FRY: variants seen among roughly 807,000 people sequenced by gnomAD.
The protein encoded by FRY is FRY microtubule binding protein, also known as protein furry homolog.
A neutral mutation model predicts 348.4 loss-of-function variants in FRY; 128 were observed. The ratio of observed to expected loss-of-function variants is 0.37; its 90% CI spans 0.32 to 0.43. The LOEUF is 0.43. FRY is among the 20% of genes least tolerant of loss of function. The pLI is 1.00. For missense variants in FRY, 2,736 were observed against 3,695.2 expected, an observed-to-expected ratio of 0.74 and a Z score of 6.73; for synonymous variants, 1,370 against 1,374.7, an observed-to-expected ratio of 1.00 and a Z score of 0.08.
intron 8 of FRY, among the ~76,000 whole-genome samples, chr13:32,133,943 T>G (rs1879539738): frequency 6.6e-6 from 1 of 151,826 alleles, no homozygotes; most frequent in Admixed American, 6.6e-5. Flanking sequence ...CATGCCCAAC[T>G]AATTTTTGTA....
At chr13:32,191,371 G>T (rs1057349972) in intron 28 of FRY, among the ~76,000 whole-genome samples, 2 of 152,146 alleles carry the variant, frequency 1.3e-5, no homozygotes, top group Admixed American at 6.5e-5. Context: ...AGTGAGAGAT[G>T]TCTATAACAC....
chr13:32,260,970 C>T (rs187756916), intron 51 of FRY, among the ~76,000 whole-genome samples: 6 of 152,326 alleles, frequency 3.9e-5, no homozygotes, highest in Admixed American at 3.9e-4. Flanking sequence ...ATTTTCTACA[C>T]CGGGACAATT....
intron 7 of FRY, 78 bp from the exon 8 acceptor site, chr13:32,131,594 A>C: frequency 1.1e-6 from 1 of 934,346 alleles, no homozygotes; most frequent in Non-Finnish European, 1.8e-6. Flanking sequence ...CTGCTCAATC[A>C]CTCCCAGATG....
chr13:32,245,651 C>A (rs1886755448), intron 47 of FRY, among the ~76,000 whole-genome samples: 1 of 151,878 alleles, frequency 6.6e-6, no homozygotes, highest in Non-Finnish European at 1.5e-5. Context: ...TCAAACACAC[C>A]AGGACGAGTT....
At position 32,224,327 on chromosome 13, in the gene FRY, T is replaced by C; in HGVS notation, c.4858T>C (p.Trp1620Arg). The change falls in exon 37 of 61, where the codon TGG (tryptophan) becomes CGG (arginine). Residue 1620 changes from tryptophan (W) to arginine (R), a missense_variant. Trp to Arg is a moderately radical substitution (Grantham distance 101, BLOSUM62 -3). Around this residue, in one of 9 missense-constraint regions of FRY, gnomAD observed 794 missense variants for 977.0 expected, o/e 0.81. Transcript: ENST00000542859. ...ACCGATGCCTTGTACTGGAGGATGC[T>C]GGGCCCCCCTGGTTGACTATCTCCC... ...PLPMPCTGGC[W>R]APLVDYLPET... The C allele has an allele frequency of 1.2e-6, 2 of 1,614,050 alleles. No individual in the cohort carries two copies. Among genetic ancestry groups the C allele is most frequent in the Non-Finnish European group, 1.7e-6 (2 of 1,179,960 alleles).
intron 36 of FRY, among the ~76,000 whole-genome samples, chr13:32,219,457 A>G (rs1418784915): frequency 2.0e-5 from 3 of 146,752 alleles, no homozygotes; most frequent in Non-Finnish European, 4.5e-5. Context: ...TCATAGTCCC[A>G]TTAGAAAACA....
intron 7 of FRY, among the ~76,000 whole-genome samples, chr13:32,130,203 G>T (rs924427109): frequency 6.6e-6 from 1 of 151,880 alleles, no homozygotes; most frequent in Non-Finnish European, 1.5e-5. Context: ...ACCACGCCCG[G>T]CTAATTTTTG....
chr13:32,116,423 C>A (rs963981623), intron 3 of FRY, among the ~76,000 whole-genome samples: 1 of 152,100 alleles, frequency 6.6e-6, no homozygotes, highest in Non-Finnish European at 1.5e-5. Context: ...TGGTTTGTCC[C>A]TTATCACGAT....
intron 1 of FRY, among the ~76,000 whole-genome samples, chr13:32,074,887 A>G (rs1412598711): frequency 6.6e-6 from 1 of 152,148 alleles, no homozygotes; most frequent in African/African-American, 2.4e-5. Flanking sequence ...ACTGGCAGGC[A>G]GGGCCCAGAC....
intron 58 of FRY, among the ~76,000 whole-genome samples, chr13:32,288,947 A>AT (rs1276455517): frequency 6.6e-6 from 1 of 152,234 alleles, no homozygotes; most frequent in African/African-American, 2.4e-5. Context: ...TAATGAACAA[A>AT]TTATAGGGTA....
chr13:32,228,696 C>CT (rs772237223), intron 40 of FRY, 42 bp downstream of exon 40: 11 of 1,567,352 alleles, frequency 7.0e-6, no homozygotes, highest in African/African-American at 1.3e-5. Context: ...GCAGGTTGGT[C>CT]TTTCGGAAAA....
At chr13:32,116,679 G>C (rs1010544396) in intron 3 of FRY, among the ~76,000 whole-genome samples, 3 of 151,980 alleles carry the variant, frequency 2.0e-5, no homozygotes, top group Non-Finnish European at 2.9e-5. Context: ...TTTTTTTATA[G>C]TAATCAGTTA....
chr13:32,271,161 G>A (rs1194258918), intron 55 of FRY, among the ~76,000 whole-genome samples: 2 of 152,198 alleles, frequency 1.3e-5, no homozygotes, highest in Non-Finnish European at 2.9e-5. Flanking sequence ...AGAGAAAAGA[G>A]TTGTATGGGA....
intron 55 of FRY, 60 bp from the exon 56 acceptor site, chr13:32,274,782 T>G: frequency 7.8e-7 from 1 of 1,282,506 alleles, no homozygotes; most frequent in Non-Finnish European, 1.1e-6. Flanking sequence ...CCCCAAAATA[T>G]GTTTTATCAT....
intron 35 of FRY, among the ~76,000 whole-genome samples, chr13:32,216,184 A>T (rs2138378907): frequency 6.6e-6 from 1 of 152,246 alleles, no homozygotes; most frequent in Non-Finnish European, 1.5e-5. Flanking sequence ...TGTACCTTTG[A>T]TGTTAAAAGA....
chr13:32,105,173 G>A (rs1047429239), intron 3 of FRY, among the ~76,000 whole-genome samples: 1 of 152,202 alleles, frequency 6.6e-6, no homozygotes, highest in Non-Finnish European at 1.5e-5. Context: ...GTATCAAGAG[G>A]TAGGGCCTTT....
intron 51 of FRY, chr13:32,258,056 C>T: frequency 1.9e-6 from 2 of 1,052,958 alleles, no homozygotes; most frequent in Admixed American, 1.7e-5. Flanking sequence ...TTGCTTTTTT[C>T]CTCCCTTCCA....
chr13:32,187,899 A>G (rs1179481252), intron 28 of FRY, among the ~76,000 whole-genome samples: 4 of 152,174 alleles, frequency 2.6e-5, no homozygotes, highest in Admixed American at 2.0e-4. Flanking sequence ...TAGTGAAATG[A>G]TAGAGACTAT....
chr13:32,227,431 T>G (rs1312708288), intron 39 of FRY, among the ~76,000 whole-genome samples: 2 of 152,162 alleles, frequency 1.3e-5, no homozygotes, highest in Non-Finnish European at 2.9e-5. Flanking sequence ...ACTCCTCACT[T>G]CTAATTCAGT....
Sources: gnomAD v4.1 joint callset for allele counts (sites outside exome capture counted in the v4.1 genomes callset) on GRCh38, gnomAD v4.1.1 for gene constraint, gnomAD v4.1.1 regional missense constraint, MANE v1.5 for transcripts, NCBI Gene and HGNC (gene_info 2026-07-23, HGNC 2026-07-21) for gene names.